GRIN2D: variants seen among roughly 807,000 people sequenced by gnomAD.
GRIN2D encodes the protein glutamate receptor ionotropic, NMDA 2D.
A neutral mutation model predicts 103.2 loss-of-function variants in GRIN2D; 37 were observed. The ratio of observed to expected loss-of-function variants is 0.36; its 90% confidence interval spans 0.28 to 0.47. The LOEUF (loss-of-function observed/expected upper bound fraction) is 0.47, where lower values mean the gene tolerates loss of function less well. GRIN2D is among the 20% of genes least tolerant of loss of function. The pLI is 1.00. For missense variants in GRIN2D, 1,557 were observed against 1,910.6 expected (o/e 0.81, Z 3.45); for synonymous variants, 845 against 885.6 (o/e 0.95, Z 0.81).
intron 3 of GRIN2D, among the ~76,000 whole-genome samples, chr19:48,402,689 A>G (rs954299081): frequency 7.6e-6 from 1 of 131,098 alleles, no homozygotes; most frequent in African/African-American, 2.8e-5. Context: ...TGCGGTCCGC[A>G]GTCCGGCCTG....
intron 11 of GRIN2D, among the ~76,000 whole-genome samples, chr19:48,435,295 TG>T (rs1448517966): frequency 1.0e-4 from 7 of 69,094 alleles, no homozygotes; most frequent in African/African-American, 2.4e-4. Context: ...TTCAGCCACT[TG>T]TTTTTTTTTT....
chr19:48,426,919 C>T (rs1971093759), intron 11 of GRIN2D, among the ~76,000 whole-genome samples: 1 of 152,008 alleles, frequency 6.6e-6, no homozygotes, highest in Non-Finnish European at 1.5e-5. Context: ...CATTCTTGTA[C>T]AAGTGTTTGG....
At chr19:48,434,075 A>C (rs1292169361) in intron 11 of GRIN2D, among the ~76,000 whole-genome samples, 1 of 150,682 alleles carries the variant, frequency 6.6e-6, no homozygotes, top group African/African-American at 2.5e-5. Flanking sequence ...CAGCTTCCCG[A>C]GTAGCTGGGA....
chr19:48,434,757 T>G (rs943804600), intron 11 of GRIN2D, among the ~76,000 whole-genome samples: 4 of 151,982 alleles, frequency 2.6e-5, no homozygotes, highest in African/African-American at 9.7e-5. Context: ...AATTTATTCC[T>G]AAATATTTTA....
intron 11 of GRIN2D, among the ~76,000 whole-genome samples, chr19:48,436,278 T>C (rs1398358168): frequency 6.6e-6 from 1 of 151,928 alleles, no homozygotes; most frequent in African/African-American, 2.4e-5. Context: ...CAGGTTGGAG[T>C]TGGACTCACA....
intron 8 of GRIN2D, among the ~76,000 whole-genome samples, chr19:48,419,028 GT>G (rs1174896124): frequency 6.6e-6 from 1 of 151,306 alleles, no homozygotes; most frequent in African/African-American, 2.4e-5. Flanking sequence ...GTACCCTAGG[GT>G]TTTTTTTCTT....
At chr19:48,423,206 G>C (rs560608636) in intron 11 of GRIN2D, among the ~76,000 whole-genome samples, 4 of 152,032 alleles carry the variant, frequency 2.6e-5, no homozygotes, top group African/African-American at 7.2e-5. Context: ...GACAGACTCC[G>C]TCTCAAAAAG....
In GRIN2D at chr19:48,442,454, C is replaced by A; in HGVS notation, c.2673+72C>A. On this transcript the variant is annotated intron_variant, in intron 13 of 13. Transcript: ENST00000263269. This position sits in a 1 kb window ranked among gnomAD's most constrained non-coding sequence, Gnocchi z 7.2. Reference sequence around the variant, plus strand: ...GGACAAAGGTAAAGCCGAGCAGAGACAAGGAGATGTGGGTCGAGATGTGGA... The same window carrying A: ...GGACAAAGGTAAAGCCGAGCAGAGAAAAGGAGATGTGGGTCGAGATGTGGA... 6.5e-7 allele frequency: 1 copy of A among 1,550,164 alleles called. No individual in the cohort carries two copies.
chr19:48,409,228 C>T (rs1227863063), intron 4 of GRIN2D, among the ~76,000 whole-genome samples: 2 of 151,796 alleles, frequency 1.3e-5, no homozygotes, highest in South Asian at 2.1e-4. Context: ...AAAGTTTCCA[C>T]CTCCTAATTC....
intron 11 of GRIN2D, among the ~76,000 whole-genome samples, chr19:48,428,727 T>G (rs1971119626): frequency 6.6e-6 from 1 of 152,196 alleles, no homozygotes; most frequent in African/African-American, 2.4e-5. Flanking sequence ...TGATCTCATT[T>G]TAACTGGATT....
At chr19:48,404,707 C>T in intron 3 of GRIN2D, 27 bp from the exon 4 acceptor site, 1 of 1,563,162 alleles carries the variant, frequency 6.4e-7, no homozygotes, top group Non-Finnish European at 8.7e-7. Context: ...CATCGGCAGG[C>T]CTGACATCCT....
intron 11 of GRIN2D, among the ~76,000 whole-genome samples, chr19:48,426,220 C>CTTTTTTTTTTTTTTTTTTTTTT (rs1253186603): frequency 3.1e-5 from 4 of 127,106 alleles, no homozygotes; most frequent in Admixed American, 7.6e-5. Context: ...TTCTTTCTTT[C>CTTTTTTTTTTTTTTTTTTTTTT]TTTCTTTTTT....
intron 4 of GRIN2D, among the ~76,000 whole-genome samples, chr19:48,412,473 GAAAGAAA>G (rs1250457326): frequency 5.3e-5 from 8 of 150,396 alleles, no homozygotes; most frequent in African/African-American, 2.0e-4. Context: ...AAGAAAGAAA[GAAAGAAA>G]GAGAGAGAAA....
intron 11 of GRIN2D, among the ~76,000 whole-genome samples, chr19:48,431,800 G>A (rs1203113712): frequency 2.0e-5 from 3 of 152,074 alleles, no homozygotes; most frequent in Non-Finnish European, 2.9e-5. Context: ...AGTCAGGCTG[G>A]TTGCAAACTT....
chr19:48,421,657 T>A lies in GRIN2D; in HGVS notation c.2092-128T>A. On this transcript the variant is annotated intron_variant, in intron 10 of 13. Transcript: ENST00000263269. This position sits in a 1 kb window ranked among gnomAD's most constrained non-coding sequence, Gnocchi z 4.8. ...AGCATTCCCTAATGTAGTGAGCGAG[T>A]GTTGAGAAATATTGAACACTCCTGG... 1.4e-6 allele frequency: 1 copy of A among 701,822 alleles called. No homozygotes were observed. The highest frequency in any genetic ancestry group is 1.8e-5 in the South Asian group (1 of 54,962). 43.5% of individuals were successfully genotyped at this position (701,822 alleles called of 1,614,324 possible). A position where few individuals can be genotyped will look rare whatever the true frequency, so the allele number is the denominator to read the frequency against.
rs1971304134 is a variant in GRIN2D at position 48,442,226 on chromosome 19, G to A, written c.2517G>A (p.Lys839=). The A allele has an allele frequency of 6.2e-7, 1 of 1,614,224 alleles. No homozygotes were observed. Among genetic ancestry groups the A allele is most frequent in the East Asian group, 2.2e-5 (1 of 44,884 alleles). Residue 839 remains lysine, a synonymous_variant, in exon 13 of 14, where the codon AAG becomes AAA. Transcript: ENST00000263269. This position sits in a 1 kb window ranked among gnomAD's most constrained non-coding sequence, Gnocchi z 7.2. ...ACAAAATCGAGGTGATGAGCAGCAA[G>A]CTGGACATCGACAACATGGCGGGCG... is the stretch of plus-strand genomic sequence containing the variant. The part of the protein sequence containing the change: ...HNDKIEVMSS[K]LDIDNMAGVF...
At chr19:48,420,718 T>A (rs276707) in intron 10 of GRIN2D, among the ~76,000 whole-genome samples, 1 of 151,588 alleles carries the variant, frequency 6.6e-6, no homozygotes, top group Non-Finnish European at 1.5e-5. Flanking sequence ...CCCAGCTACT[T>A]GGGAGGCTGA....
At position 48,433,971 on chromosome 19, in the gene GRIN2D, T is replaced by C. The variant is rs567009186; in HGVS notation, c.2253-7798T>C. On this transcript the variant is annotated intron_variant, in intron 11 of 13. Coordinates refer to ENST00000263269, the MANE Select transcript of GRIN2D (RefSeq NM_000836.4). ...CTTTTCTTTTTTTTTTTTTTTGAGA[T>C]GGAGTCTCGCTCTGTTGCCCAGGCT... 6.7e-3 allele frequency among the ~76,000 whole-genome samples: 1,007 copies of C among 150,702 alleles called. 13 individuals are homozygous for C. The highest frequency in any genetic ancestry group is 0.023 in the African/African-American group (947 of 40,912).
chr19:48,401,764 C>T (rs749996662), intron 3 of GRIN2D, among the ~76,000 whole-genome samples: 4 of 152,194 alleles, frequency 2.6e-5, no homozygotes, highest in Non-Finnish European at 5.9e-5. Context: ...GAAACAATCA[C>T]TCTGGCTGCT....
Sources: allele counts gnomAD v4.1 joint callset (sites outside exome capture counted in the v4.1 genomes callset), GRCh38; gene constraint gnomAD v4.1.1; non-coding constraint Gnocchi (gnomAD v3.1); transcripts MANE v1.5; gene names NCBI Gene and HGNC (gene_info 2026-07-23, HGNC 2026-07-21).